The following ZNF614 variants were observed in gnomAD, a reference collection of about 807,000 sequenced individuals.
ZNF614 encodes the protein zinc finger protein 614.
A neutral mutation model predicts 12.8 loss-of-function variants in ZNF614; 11 were observed. The observed-to-expected ratio is 0.86, with a 90% CI of 0.54 to 1.43. The LOEUF (loss-of-function observed/expected upper bound fraction) is 1.43, where lower values mean the gene tolerates loss of function less well. Ranked by LOEUF, ZNF614 falls within the 40% of genes most tolerant of loss-of-function variation. The pLI is 0.00. For synonymous variants in ZNF614, 237 were observed against 237.5 expected, an observed-to-expected ratio of 1.00 and a Z score of 0.02; for missense variants, 664 against 708.8, an observed-to-expected ratio of 0.94 and a Z score of 0.72.
rs562962630 is a variant in ZNF614, at chr19:52,015,259, C to G, written c.*581G>C. The stretch of plus-strand genomic sequence containing the variant: ...TGATAGCATGTTCGGAACAATTTTA[C>G]TTTCTATGTGATCTCCTGACAAATG... On this transcript the variant is annotated 3_prime_UTR_variant, in exon 5 of 5. Transcript: ENST00000270649. 4 of 152,420 alleles carry G rather than the reference C, an allele frequency of 2.6e-5. 1 individual carries two copies. In the South Asian group the frequency reaches 8.3e-4, roughly 32 times the overall value. The allele number at this position is 152,420 out of a possible 1,614,324, so 9.4% of individuals were successfully genotyped here. A position where few individuals can be genotyped will look rare whatever the true frequency, so the allele number is the denominator to read the frequency against.
rs1264818633 is a variant in ZNF614, at chr19:52,016,583, C to T, written c.1015G>A (p.Gly339Arg). 1 of 1,614,046 alleles carries T rather than the reference C, an allele frequency of 6.2e-7. No homozygotes were observed. Among genetic ancestry groups the T allele is most frequent in the African/African-American group, 1.3e-5 (1 of 74,918 alleles). The change falls in exon 5 of 5, where the codon GGG (glycine) becomes AGG (arginine). Residue 339 changes from glycine (G) to arginine (R), a missense_variant. Gly to Arg is a moderately radical substitution (Grantham distance 125). Coordinates refer to ENST00000270649, the MANE Select transcript of ZNF614 (RefSeq NM_025040.4). ...TCACTGCATATATAGGGTTTCTCCC[C>T]TGTATGAGTTCGCTGATGTACAATG... The part of the protein sequence containing the change: ...NLIVHQRTHT[G>R]EKPYICSECG...
At chr19:52,021,276 T>C (rs989338330) in intron 2 of ZNF614, among the ~76,000 whole-genome samples, 1 of 152,112 alleles carries the variant, frequency 6.6e-6, no homozygotes, top group African/African-American at 2.4e-5. Flanking sequence ...CCAACCCAGC[T>C]AACACCTTGA....
At position 52,015,929 on chromosome 19, in the gene ZNF614, G is replaced by A. The variant is rs758020339; in HGVS notation, c.1669C>T (p.His557Tyr). 6.2e-7 allele frequency: 1 copy of A among 1,614,190 alleles called. No homozygotes were observed. Among genetic ancestry groups the A allele is most frequent in the South Asian group, 1.1e-5 (1 of 91,086 alleles). ...ATTTCTCTTGTGTGCATTTTCTTAT[G>A]TTTGACAAGGTTTGATAAGTGGGAG... is the stretch of plus-strand genomic sequence containing the variant. ...AFSHLSNLVK[H>Y]KKMHTREMGR... Residue 557 changes from histidine (H) to tyrosine (Y), a missense_variant, in exon 5 of 5, where the codon CAT (histidine) becomes TAT (tyrosine). Transcript: ENST00000270649.
At position 52,014,006 on chromosome 19, in the gene ZNF614, G is replaced by A. The variant is rs1568512767; in HGVS notation, c.*1834C>T. The A allele has an allele frequency of 6.6e-6, 1 of 152,164 alleles. No individual in the cohort carries two copies. The allele number at this position is 152,164 out of a possible 1,614,324, so 9.4% of individuals were successfully genotyped here. On this transcript the variant is annotated 3_prime_UTR_variant, in exon 5 of 5. Coordinates refer to ENST00000270649, the MANE Select transcript of ZNF614 (RefSeq NM_025040.4). ...TTTCGAGTTCAAATTTATTTAAGTT[G>A]AAGGTGGTTTTATAAACTGATCATC...
chr19:52,016,447 C>T lies in ZNF614; in HGVS notation c.1151G>A (p.Ser384Asn). 2 of 1,614,090 alleles carry T rather than the reference C, an allele frequency of 1.2e-6. No homozygotes were observed. The highest frequency in any genetic ancestry group is 1.7e-6 in the Non-Finnish European group (2 of 1,179,994). The change falls in exon 5 of 5, where the codon AGC becomes AAC. Residue 384 changes from serine (S) to asparagine (N), a missense_variant. Transcript: ENST00000270649. ...GGAGCGCTGATGTACAATGAGATTGCTCTTCACGGTAAAGCCTTTTCCACA... is the reference window on the plus strand; with the variant it reads ...GGAGCGCTGATGTACAATGAGATTGTTCTTCACGGTAAAGCCTTTTCCACA... ...SECGKGFTVK[S>N]NLIVHQRSHT...
At position 52,020,419 on chromosome 19, in the gene ZNF614, AGG is replaced by A. The variant is rs1280823293; in HGVS notation, c.16-1927_16-1926del. Among the ~76,000 whole-genome samples the A allele has an allele frequency of 4.6e-5, 7 of 152,226 alleles. No homozygotes were observed. In the East Asian group the frequency reaches 1.3e-3, roughly 29 times the overall value. ...AATATGCACAGGGTGAGGTCTGGGA[AGG>A]TTCCAAACACAAAGCTGCTGACTGT... is the stretch of plus-strand genomic sequence containing the variant. On this transcript the variant is annotated intron_variant, in intron 2 of 4. Transcript: ENST00000270649.
intron 2 of ZNF614, among the ~76,000 whole-genome samples, chr19:52,018,790 TTAAA>T (rs1262693748): frequency 6.6e-6 from 1 of 152,206 alleles, no homozygotes; most frequent in Admixed American, 6.5e-5. Flanking sequence ...AATAGTGCTT[TTAAA>T]TAAATGTAAG....
At position 52,017,218 on chromosome 19, in the gene ZNF614, T is replaced by G. The variant is rs1486080377; in HGVS notation, c.380A>C (p.His127Pro). ...TTTTCTGTACAAGTCAAATGTATCA[T>G]GATTTTGCACTATAGGAAAATGTGT... ...SKTHFPIVQNHDTFDLYRKNL... is the reference protein window; with the variant it reads ...SKTHFPIVQNPDTFDLYRKNL... Residue 127 changes from histidine to proline, a missense_variant, in exon 5 of 5, where the codon CAT (histidine) becomes CCT (proline). Physicochemically the swap from His to Pro is moderately conservative, Grantham distance 77. Coordinates refer to ENST00000270649, the MANE Select transcript of ZNF614 (RefSeq NM_025040.4). 1.2e-6 allele frequency: 2 copies of G among 1,614,176 alleles called. No individual in the cohort carries two copies. The highest frequency in any genetic ancestry group is 2.2e-5 in the South Asian group (2 of 91,084).
chr19:52,017,705 A>G (rs1297894154), intron 4 of ZNF614: 3 of 331,842 alleles, frequency 9.0e-6, no homozygotes, highest in East Asian at 1.1e-4. Context: ...AGTCTAAAAA[A>G]AAAAAAAAAA....
chr19:52,024,890 C>T (rs989516302), intron 2 of ZNF614, among the ~76,000 whole-genome samples: 3 of 152,140 alleles, frequency 2.0e-5, no homozygotes, highest in Admixed American at 6.5e-5. Flanking sequence ...CGTCCCCCAG[C>T]ATGACACCGG....
At chr19:52,025,651 CCCAGTATATACTT>C in intron 2 of ZNF614, 67 bp downstream of exon 2, 1 of 1,480,098 alleles carries the variant, frequency 6.8e-7, no homozygotes, top group Non-Finnish European at 9.4e-7. Context: ...ACACAATTAT[CCCAGTATATACTT>C]CCTTAAGTTC....
rs746360965 is a variant in ZNF614, at chr19:52,028,372, C to T, written c.-347G>A. 1 of 152,320 alleles carries T rather than the reference C, an allele frequency of 6.6e-6. No individual in the cohort carries two copies. The highest frequency in any genetic ancestry group is 1.5e-5 in the Non-Finnish European group (1 of 68,094). The allele number at this position is 152,320 out of a possible 1,614,324, so 9.4% of individuals were successfully genotyped here. A position where few individuals can be genotyped will look rare whatever the true frequency, so the allele number is the denominator to read the frequency against. ...GAGCGGTAAAGACCGTGAAGCGAGG[C>T]GAGGACCACGGAGCCTGCCCGGGAT... On this transcript the variant is annotated 5_prime_UTR_variant, in exon 1 of 5. Coordinates refer to ENST00000270649, the MANE Select transcript of ZNF614 (RefSeq NM_025040.4).
intron 1 of ZNF614, among the ~76,000 whole-genome samples, chr19:52,027,206 A>G (rs755936589): frequency 1.3e-5 from 2 of 152,248 alleles, no homozygotes; most frequent in Non-Finnish European, 2.9e-5. Context: ...AGGAAAGAGA[A>G]CACATGGAAG....
chr19:52,014,315 G>A lies in ZNF614; in HGVS notation c.*1525C>T, dbSNP rs936807988. 1.0e-4 allele frequency: 14 copies of A among 138,044 alleles called. No homozygotes were observed. The highest frequency in any genetic ancestry group is 3.5e-4 in the African/African-American group (12 of 33,886). 8.6% of individuals were successfully genotyped at this position (138,044 alleles called of 1,614,324 possible). The stretch of plus-strand genomic sequence containing the variant: ...CTCCAAGTTAGTGCAGACTCCACAA[G>A]TTAGTGCAGTCCAAGTTAGTGCAGT... On this transcript the variant is annotated 3_prime_UTR_variant, in exon 5 of 5. Transcript: ENST00000270649.
intron 2 of ZNF614, among the ~76,000 whole-genome samples, chr19:52,023,259 C>T (rs547337991): frequency 6.6e-6 from 1 of 151,598 alleles, no homozygotes; most frequent in African/African-American, 2.4e-5. Context: ...ACCTCCACCT[C>T]CCGGGTTCAA....
Position 52,015,772 on chromosome 19 carries a change from G to A in ZNF614, c.*68C>T. ...GGCTAGAAACACACTGATGTTTAAT[G>A]AAGTCTGAGTTGCCACAAAAGGCAT... On this transcript the variant is annotated 3_prime_UTR_variant, in exon 5 of 5. Coordinates refer to ENST00000270649, the MANE Select transcript of ZNF614 (RefSeq NM_025040.4). The A allele has an allele frequency of 1.4e-6, 2 of 1,408,210 alleles. No individual in the cohort carries two copies. Among genetic ancestry groups the A allele is most frequent in the Non-Finnish European group, 9.7e-7 (1 of 1,032,826 alleles). The allele number at this position is 1,408,210 out of a possible 1,614,324, so 87.2% of individuals were successfully genotyped here.
intron 1 of ZNF614, among the ~76,000 whole-genome samples, chr19:52,027,291 C>T (rs2086981639): frequency 6.6e-6 from 1 of 152,230 alleles, no homozygotes; most frequent in Non-Finnish European, 1.5e-5. Context: ...TTTGGGTATA[C>T]ATACCTCGTG....
At chr19:52,018,207 T>C in intron 3 of ZNF614, 104 bp from the exon 4 acceptor site, 3 of 1,456,656 alleles carry the variant, frequency 2.1e-6, no homozygotes, top group Non-Finnish European at 1.9e-6. Context: ...AAAGTAAGCA[T>C]TCTGTCTTAG....
intron 2 of ZNF614, among the ~76,000 whole-genome samples, chr19:52,024,229 T>C (rs1054315092): frequency 5.3e-5 from 8 of 152,122 alleles, no homozygotes; most frequent in Non-Finnish European, 1.0e-4. Context: ...TTTTGAGCCT[T>C]CTAGCAGATG....
Sources: allele counts gnomAD v4.1 joint callset (sites outside exome capture counted in the v4.1 genomes callset), GRCh38; gene constraint gnomAD v4.1.1; transcripts MANE v1.5; gene names NCBI Gene and HGNC (gene_info 2026-07-23, HGNC 2026-07-21).